TENM3: variants seen among roughly 807,000 people sequenced by gnomAD.
The protein encoded by TENM3 is teneurin-3.
TENM3 carries 63 observed loss-of-function variants against 255.1 expected under a neutral mutation model. The ratio of observed to expected loss-of-function variants is 0.25; its 90% CI spans 0.20 to 0.30. The LOEUF is 0.30. Among genes scored for constraint, TENM3 ranks in the 10% least tolerant of loss-of-function variants. TENM3 has a pLI of 1.00. For missense variants in TENM3, 2,929 were observed against 3,461.1 expected, an observed-to-expected ratio of 0.85 and a Z score of 3.86; for synonymous variants, 1,306 against 1,322.3, an observed-to-expected ratio of 0.99 and a Z score of 0.27.
the TENM3 span, among the ~76,000 whole-genome samples, chr4:181,467,023 T>C: frequency 3.4e-5 from 5 of 147,114 alleles, no homozygotes; most frequent in African/African-American, 1.3e-4. Flanking sequence ...ACTTACTCTA[T>C]TACATGTGAA....
rs529820094 is a variant in TENM3, at chr4:182,244,136, G to A, written c.-76+660G>A. On this transcript the variant is annotated intron_variant, in intron 1 of 27. Transcript: ENST00000511685. ...GCCCGGCTAATTTTTTGTATTTTTA[G>A]TAGAGACGGGGTTTCACCATTTTAG... Among the ~76,000 whole-genome samples the A allele has an allele frequency of 1.9e-4, 29 of 151,328 alleles. 1 individual carries two copies. In the South Asian group the frequency reaches 6.1e-3, roughly 32 times the overall value.
At chr4:181,717,430 A>G in the TENM3 span, among the ~76,000 whole-genome samples, 1 of 152,162 alleles carries the variant, frequency 6.6e-6, no homozygotes, top group East Asian at 1.9e-4. Context: ...TGATGCTTCC[A>G]TTTTCTATTT....
the TENM3 span, among the ~76,000 whole-genome samples, chr4:182,083,064 T>C: frequency 3.9e-5 from 6 of 152,150 alleles, no homozygotes; most frequent in Non-Finnish European, 7.3e-5. Context: ...CCCCAACAAA[T>C]GGTAAATGAA....
the TENM3 span, among the ~76,000 whole-genome samples, chr4:181,544,671 C>A: frequency 6.6e-6 from 1 of 152,164 alleles, no homozygotes; most frequent in Non-Finnish European, 1.5e-5. Flanking sequence ...ATAATGTATT[C>A]TAAAGTCAAA....
At chr4:182,558,045 C>T (rs958550112) in intron 3 of TENM3, among the ~76,000 whole-genome samples, 10 of 152,096 alleles carry the variant, frequency 6.6e-5, no homozygotes, top group African/African-American at 1.4e-4. Context: ...GGCTACGATC[C>T]GATTTCCTTC....
intron 6 of TENM3, among the ~76,000 whole-genome samples, chr4:182,672,275 GA>G (rs564313077): frequency 1.2e-3 from 190 of 152,288 alleles, no homozygotes; most frequent in Non-Finnish European, 2.3e-3. Context: ...AGGGAGAAAA[GA>G]GGTTTTGTTC....
rs2152830363 is a variant in TENM3 at position 182,792,503 on chromosome 4, G to A, written c.5831G>A (p.Arg1944Gln). 2 of 1,614,016 alleles carry A rather than the reference G, an allele frequency of 1.2e-6. No homozygotes were observed. Among genetic ancestry groups the A allele is most frequent in the Non-Finnish European group, 1.7e-6 (2 of 1,179,902 alleles). Reference protein sequence around the residue: ...LLQTAFLGTSRRVLFKYRRQT... With the variant: ...LLQTAFLGTSQRVLFKYRRQT... ...CAAACAGCTTTCTTGGGTACAAGTC[G>A]GAGGGTCTTATTCAAATACAGAAGG... The change falls in exon 26 of 28, where the codon CGG becomes CAG. Residue 1944 changes from arginine (R) to glutamine (Q), a missense_variant. Around this residue, in one of 6 missense-constraint regions of TENM3, gnomAD observed 303 missense variants for 425.2 expected, o/e 0.71. Transcript: ENST00000511685. This position sits in a 1 kb window ranked among gnomAD's most constrained non-coding sequence, Gnocchi z 6.3.
the TENM3 span, among the ~76,000 whole-genome samples, chr4:181,935,114 G>T: frequency 6.6e-6 from 1 of 152,184 alleles, no homozygotes; most frequent in Admixed American, 6.5e-5. Context: ...TTTTCAACTT[G>T]TTTTATTGTA....
the TENM3 span, among the ~76,000 whole-genome samples, chr4:182,017,611 A>T: frequency 3.3e-5 from 5 of 152,208 alleles, no homozygotes; most frequent in African/African-American, 1.2e-4. Context: ...CTCCTTACTT[A>T]GATAAGAGCC....
chr4:181,896,245 G>T, the TENM3 span, among the ~76,000 whole-genome samples: 1 of 152,098 alleles, frequency 6.6e-6, no homozygotes, highest in African/African-American at 2.4e-5. Flanking sequence ...AAAAGCTAGA[G>T]AATTTGTTCA....
the TENM3 span, among the ~76,000 whole-genome samples, chr4:181,551,221 A>G: frequency 5.6e-4 from 85 of 152,346 alleles, no homozygotes; most frequent in African/African-American, 2.0e-3. Flanking sequence ...GAGGAAGCAT[A>G]TATTTTGTTC....
the TENM3 span, among the ~76,000 whole-genome samples, chr4:181,809,012 A>G: frequency 5.3e-5 from 8 of 152,236 alleles, no homozygotes; most frequent in Admixed American, 4.6e-4. Flanking sequence ...AATATTTGAC[A>G]TACACCGGAG....
the TENM3 span, among the ~76,000 whole-genome samples, chr4:181,972,549 G>C: frequency 6.6e-6 from 1 of 151,110 alleles, no homozygotes; most frequent in African/African-American, 2.4e-5. Flanking sequence ...AGATCCTAAA[G>C]AAGATGGCTA....
chr4:182,213,547 T>A (rs1755196276), intron 1 of TENM3, among the ~76,000 whole-genome samples: 1 of 152,196 alleles, frequency 6.6e-6, no homozygotes, highest in Non-Finnish European at 1.5e-5. Flanking sequence ...TTCAATTCAA[T>A]GCAATGGTGA....
intron 19 of TENM3, 99 bp downstream of exon 19, chr4:182,743,518 C>T: frequency 7.5e-7 from 1 of 1,329,740 alleles, no homozygotes; most frequent in African/African-American, 1.5e-5. Context: ...AGAAAAATAC[C>T]ATCCTAAGGT....
At chr4:182,745,828 A>AAAT (rs60271186) in intron 19 of TENM3, among the ~76,000 whole-genome samples, 1 of 150,558 alleles carries the variant, frequency 6.6e-6, no homozygotes, top group Non-Finnish European at 1.5e-5. Flanking sequence ...AAAAAAAAAA[A>AAAT]TCTATGAGGT....
the TENM3 span, among the ~76,000 whole-genome samples, chr4:181,891,784 G>C: frequency 3.3e-5 from 5 of 152,282 alleles, no homozygotes; most frequent in African/African-American, 1.2e-4. Flanking sequence ...GATCAAAAAT[G>C]AATCCTTTGC....
rs757981097 is a variant in TENM3, at chr4:182,793,184, C to G, written c.6512C>G (p.Thr2171Arg). Residue 2171 changes from threonine (T) to arginine (R), a missense_variant, in exon 26 of 28, where the codon ACA becomes AGA. By Grantham distance (71) the Thr-to-Arg change is moderately conservative. This residue lies in a region of TENM3 where 256 missense variants were observed against 389.3 expected (regional missense o/e 0.66). Coordinates refer to ENST00000511685, the MANE Select transcript of TENM3 (RefSeq NM_001080477.4). This position sits in a 1 kb window ranked among gnomAD's most constrained non-coding sequence, Gnocchi z 5.7. ...LLNPSNSARL[T>R]PLRYDLRDRI... ...AACCCAAGTAACAGTGCGCGTCTGA[C>G]ACCCCTTCGCTATGACCTGCGAGAC... 1 of 1,614,024 alleles carries G rather than the reference C, an allele frequency of 6.2e-7. No homozygotes were observed. The highest frequency in any genetic ancestry group is 1.1e-5 in the South Asian group (1 of 91,084).
chr4:182,578,033 A>G (rs556695995), intron 3 of TENM3, among the ~76,000 whole-genome samples: 21 of 151,638 alleles, frequency 1.4e-4, no homozygotes, highest in South Asian at 1.0e-3. Context: ...CTGGAGTGCA[A>G]TGGCGCAATC....
Sources: allele counts gnomAD v4.1 joint callset (sites outside exome capture counted in the v4.1 genomes callset), GRCh38; gene constraint gnomAD v4.1.1; regional missense constraint gnomAD v4.1.1; non-coding constraint Gnocchi (gnomAD v3.1); transcripts MANE v1.5; gene names NCBI Gene and HGNC (gene_info 2026-07-23, HGNC 2026-07-21).